Variants in MAPKAP1 observed in about 807,000 individuals in gnomAD.
MAPKAP1 encodes target of rapamycin complex 2 subunit MAPKAP1.
Under a neutral mutation model 65.7 loss-of-function variants are expected in MAPKAP1, and 20 were observed. That is an observed-to-expected ratio of 0.30 (90% confidence interval 0.21 to 0.44). The LOEUF (loss-of-function observed/expected upper bound fraction) is 0.44. Ranked by LOEUF, MAPKAP1 falls within the 20% of genes least tolerant of loss-of-function variation. The probability of loss-of-function intolerance (pLI) is 1.00; values close to 1 mark genes in which losing one functional copy is unlikely to be tolerated. For synonymous variants in MAPKAP1, 222 were observed against 244.3 expected (o/e 0.91, Z 0.85); for missense variants, 423 against 648.0 (o/e 0.65, Z 3.77).
At position 125,625,903 on chromosome 9, in the gene MAPKAP1, C is replaced by T. The variant is rs757469908; in HGVS notation, c.498+31748G>A. ...TTAGTTTCAAGTTTTAATCCTTCTT[C>T]TGTCTGAAAAATAGGCTACATTTGG... On this transcript the variant is annotated intron_variant, in intron 4 of 11. Coordinates refer to ENST00000265960, the MANE Select transcript of MAPKAP1 (RefSeq NM_001006617.3). 2.0e-5 allele frequency among the ~76,000 whole-genome samples: 3 copies of T among 152,326 alleles called. No homozygotes were observed. The South Asian group carries it at 6.2e-4, about 32-fold the overall frequency.
intron 1 of MAPKAP1, among the ~76,000 whole-genome samples, chr9:125,683,842 T>A (rs79443115): frequency 6.6e-6 from 1 of 152,188 alleles, no homozygotes. Context: ...CCTTCACATA[T>A]AACACATAAG....
At chr9:125,684,936 G>T (rs79656285) in intron 1 of MAPKAP1, among the ~76,000 whole-genome samples, 115 of 152,294 alleles carry the variant, frequency 7.6e-4, no homozygotes, top group African/African-American at 2.6e-3. Flanking sequence ...GCCTCCCAGG[G>T]CGTTGGGATT....
chr9:125,536,080 C>T (rs1830065814), intron 7 of MAPKAP1, among the ~76,000 whole-genome samples: 1 of 152,178 alleles, frequency 6.6e-6, no homozygotes, highest in South Asian at 2.1e-4. Context: ...TCTGAGGTGG[C>T]AGTTGCGAGA....
chr9:125,673,832 C>T (rs1316556586), intron 1 of MAPKAP1, among the ~76,000 whole-genome samples: 1 of 152,056 alleles, frequency 6.6e-6, no homozygotes, highest in Non-Finnish European at 1.5e-5. Flanking sequence ...GTCATAGCTA[C>T]TCATGAGGCT....
chr9:125,668,597 AC>A (rs1834406775), intron 3 of MAPKAP1, among the ~76,000 whole-genome samples: 1 of 152,172 alleles, frequency 6.6e-6, no homozygotes, highest in African/African-American at 2.4e-5. Context: ...ACATGATATA[AC>A]CACTATAAAA....
intron 7 of MAPKAP1, among the ~76,000 whole-genome samples, chr9:125,515,060 C>G (rs1292106783): frequency 6.6e-6 from 1 of 152,042 alleles, no homozygotes; most frequent in East Asian, 1.9e-4. Flanking sequence ...GCTTATACCC[C>G]CTCTGAGGCT....
At chr9:125,630,263 C>A (rs756982436) in intron 4 of MAPKAP1, among the ~76,000 whole-genome samples, 11 of 152,124 alleles carry the variant, frequency 7.2e-5, no homozygotes, top group Non-Finnish European at 1.5e-4. Flanking sequence ...GTAGCTGAGA[C>A]AACAGGCGCG....
intron 8 of MAPKAP1, among the ~76,000 whole-genome samples, chr9:125,495,667 G>T (rs1233186451): frequency 6.6e-6 from 1 of 152,192 alleles, no homozygotes; most frequent in Non-Finnish European, 1.5e-5. Flanking sequence ...AGAAGAGAGT[G>T]AAAAATGCAA....
rs143869748 is a variant in MAPKAP1, at chr9:125,485,931, T to C, written c.1067-1348A>G. Among the ~76,000 whole-genome samples, 254 of 152,342 alleles carry C rather than the reference T, an allele frequency of 1.7e-3. 1 individual carries two copies. Among genetic ancestry groups the C allele is most frequent in the African/African-American group, 5.5e-3 (229 of 41,576 alleles). ...ATGCTTCATAAGAGCAGTGACTATTTTTCTTCTAGTGTCAGGGTGGATTAT... is the reference window on the plus strand; with the variant it reads ...ATGCTTCATAAGAGCAGTGACTATTCTTCTTCTAGTGTCAGGGTGGATTAT... On this transcript the variant is annotated intron_variant, in intron 8 of 11. Transcript: ENST00000265960.
At chr9:125,499,610 G>A (rs1180550131) in intron 8 of MAPKAP1, among the ~76,000 whole-genome samples, 1 of 152,180 alleles carries the variant, frequency 6.6e-6, no homozygotes, top group Non-Finnish European at 1.5e-5. Context: ...CCATGTTCAT[G>A]TTCGGAAGTA....
chr9:125,612,189 T>TA (rs1216280011), intron 4 of MAPKAP1, among the ~76,000 whole-genome samples: 3 of 152,234 alleles, frequency 2.0e-5, no homozygotes, highest in Admixed American at 2.0e-4. Context: ...TGGAGCATTT[T>TA]AAACTTCAGA....
At chr9:125,617,395 A>G (rs1157343895) in intron 4 of MAPKAP1, among the ~76,000 whole-genome samples, 1 of 152,218 alleles carries the variant, frequency 6.6e-6, no homozygotes, top group Non-Finnish European at 1.5e-5. Flanking sequence ...TGGGAGACCT[A>G]AGCCACAGTG....
intron 4 of MAPKAP1, among the ~76,000 whole-genome samples, chr9:125,625,251 T>TAAAG (rs1833073598): frequency 9.6e-5 from 1 of 10,468 alleles, no homozygotes; most frequent in African/African-American, 2.3e-4. Flanking sequence ...AAAAAATAAA[T>TAAAG]AAATAAAAAA....
At chr9:125,480,799 C>T (rs534311464) in intron 9 of MAPKAP1, among the ~76,000 whole-genome samples, 3 of 151,424 alleles carry the variant, frequency 2.0e-5, no homozygotes, top group East Asian at 3.9e-4. Flanking sequence ...GGTGAAACCC[C>T]GTCTCTACTA....
At chr9:125,701,684 T>C (rs1367887916) in intron 1 of MAPKAP1, among the ~76,000 whole-genome samples, 1 of 152,054 alleles carries the variant, frequency 6.6e-6, no homozygotes. Flanking sequence ...CTAAAGAAAA[T>C]AAGGTATACA....
Position 125,656,562 on chromosome 9 carries a change from A to G in MAPKAP1, c.498+1089T>C, listed in dbSNP as rs1228914546. Among the ~76,000 whole-genome samples, 4 of 152,292 alleles carry G rather than the reference A, an allele frequency of 2.6e-5. No homozygotes were observed. The East Asian group carries it at 7.7e-4, about 29-fold the overall frequency. On this transcript the variant is annotated intron_variant, in intron 4 of 11. Transcript: ENST00000265960. ...AACCTACGGAAACCTGCTGAATTGTAGGAAGTAAAAGTCTTTCGAAGAGAA... is the reference window on the plus strand; with the variant it reads ...AACCTACGGAAACCTGCTGAATTGTGGGAAGTAAAAGTCTTTCGAAGAGAA...
chr9:125,603,078 C>CTTTCT (rs112132511), intron 4 of MAPKAP1, among the ~76,000 whole-genome samples: 12 of 85,074 alleles, frequency 1.4e-4, no homozygotes, highest in African/African-American at 3.5e-4. Flanking sequence ...TTCTTTCTTT[C>CTTTCT]TTTTTTTTTT....
intron 7 of MAPKAP1, among the ~76,000 whole-genome samples, chr9:125,520,094 T>G (rs938402013): frequency 4.6e-5 from 7 of 152,242 alleles, no homozygotes; most frequent in Non-Finnish European, 1.0e-4. Flanking sequence ...TCACATGTTA[T>G]GTAATCCTGG....
chr9:125,614,094 G>A (rs1336184078), intron 4 of MAPKAP1, among the ~76,000 whole-genome samples: 1 of 151,704 alleles, frequency 6.6e-6, no homozygotes, highest in African/African-American at 2.4e-5. Context: ...CACCAGGCCC[G>A]GCCAAAAAAG....
Sources: gnomAD v4.1 joint callset for allele counts (sites outside exome capture counted in the v4.1 genomes callset) on GRCh38, gnomAD v4.1.1 for gene constraint, MANE v1.5 for transcripts, NCBI Gene and HGNC (gene_info 2026-07-23, HGNC 2026-07-21) for gene names.